Variants in ZNF407 observed in about 807,000 individuals in gnomAD.
ZNF407 encodes the protein zinc finger protein 407.
Under a neutral mutation model 131.2 loss-of-function variants are expected in ZNF407, and 17 were observed. The ratio of observed to expected loss-of-function variants is 0.13; its 90% CI spans 0.09 to 0.19. The LOEUF is 0.19. Ranked by LOEUF, ZNF407 falls within the 10% of genes least tolerant of loss-of-function variation. The pLI, the probability that ZNF407 is intolerant of heterozygous loss-of-function variation, is 1.00. For synonymous variants in ZNF407, 1,156 were observed against 1,062.0 expected (o/e 1.09, Z -1.72); for missense variants, 2,681 against 2,830.6 (o/e 0.95, Z 1.20).
At chr18:75,059,456 CT>C (rs1457405286) in intron 8 of ZNF407, among the ~76,000 whole-genome samples, 3 of 152,088 alleles carry the variant, frequency 2.0e-5, no homozygotes, top group Non-Finnish European at 4.4e-5. Flanking sequence ...AGGCTGCCTT[CT>C]TTGTTTTTGT....
intron 3 of ZNF407, among the ~76,000 whole-genome samples, chr18:74,654,269 C>G (rs540790006): frequency 6.6e-6 from 1 of 151,846 alleles, no homozygotes; most frequent in South Asian, 2.1e-4. Context: ...ATTAGTCTCC[C>G]TCTAATCTGA....
At chr18:74,600,144 A>G (rs1441766059) in intron 1 of ZNF407, among the ~76,000 whole-genome samples, 2 of 152,244 alleles carry the variant, frequency 1.3e-5, no homozygotes, top group Non-Finnish European at 2.9e-5. Flanking sequence ...AGTGCCATTC[A>G]TGATTCTTGG....
At chr18:75,042,825 T>G (rs1160774151) in intron 8 of ZNF407, among the ~76,000 whole-genome samples, 1 of 152,202 alleles carries the variant, frequency 6.6e-6, no homozygotes, top group African/African-American at 2.4e-5. Flanking sequence ...CCCATCTATT[T>G]CACTTGGCAC....
intron 1 of ZNF407, 82 bp from the exon 2 acceptor site, chr18:74,630,885 C>G: frequency 9.1e-7 from 1 of 1,103,386 alleles, no homozygotes; most frequent in East Asian, 2.6e-5. Flanking sequence ...GGGCTAACTT[C>G]ATGATACTTT....
Position 74,959,781 on chromosome 18 carries a change from T to C in ZNF407, c.5428+39089T>C, listed in dbSNP as rs541892644. ...ATACATGAAGTGAAACGTATAAAGG[T>C]TGAAATTTTTAGGATTTGAGCCTTC... is the stretch of plus-strand genomic sequence containing the variant. On this transcript the variant is annotated intron_variant, in intron 8 of 8. Coordinates refer to ENST00000299687, the MANE Select transcript of ZNF407 (RefSeq NM_017757.3). 2.0e-5 allele frequency among the ~76,000 whole-genome samples: 3 copies of C among 152,314 alleles called. No individual in the cohort carries two copies. The South Asian group carries it at 6.2e-4, about 32-fold the overall frequency.
At chr18:74,648,047 G>T (rs1328160099) in intron 3 of ZNF407, among the ~76,000 whole-genome samples, 2 of 152,136 alleles carry the variant, frequency 1.3e-5, no homozygotes, top group Non-Finnish European at 2.9e-5. Flanking sequence ...GGGAAGTGAG[G>T]ATTAAACAAA....
chr18:74,888,715 A>G (rs1296586996), intron 6 of ZNF407, among the ~76,000 whole-genome samples: 3 of 152,214 alleles, frequency 2.0e-5, no homozygotes, highest in African/African-American at 4.8e-5. Flanking sequence ...CTATCAGCCA[A>G]TGCAGCTAGT....
intron 4 of ZNF407, among the ~76,000 whole-genome samples, chr18:74,872,548 G>A (rs542901278): frequency 1.5e-4 from 23 of 152,022 alleles, no homozygotes; most frequent in Admixed American, 6.5e-4. Flanking sequence ...CAGATCACGA[G>A]GTCAGGAGAT....
chr18:75,043,251 A>G (rs1470666024), intron 8 of ZNF407, among the ~76,000 whole-genome samples: 1 of 152,056 alleles, frequency 6.6e-6, no homozygotes, highest in Non-Finnish European at 1.5e-5. Context: ...TTTAATTTGC[A>G]TTTTCCTAGT....
intron 3 of ZNF407, among the ~76,000 whole-genome samples, chr18:74,649,106 C>T (rs1985106432): frequency 6.6e-6 from 1 of 152,238 alleles, no homozygotes; most frequent in Non-Finnish European, 1.5e-5. Flanking sequence ...GAATATGCTA[C>T]TATCTAGATA....
Position 74,622,023 on chromosome 18 carries a change from G to A in ZNF407, c.-53-8944G>A, listed in dbSNP as rs577464524. 7.9e-5 allele frequency among the ~76,000 whole-genome samples: 12 copies of A among 152,234 alleles called. No homozygotes were observed. In the South Asian group the frequency reaches 8.3e-4, roughly 11 times the overall value. On this transcript the variant is annotated intron_variant, in intron 1 of 8. Coordinates refer to ENST00000299687, the MANE Select transcript of ZNF407 (RefSeq NM_017757.3). ...TTAGGGTGTTGTATACTCTCTTCTC[G>A]TGGATGAGTTTGTACAACTTGCAGT... is the stretch of plus-strand genomic sequence containing the variant.
intron 3 of ZNF407, among the ~76,000 whole-genome samples, chr18:74,753,978 G>A (rs1968868009): frequency 6.6e-6 from 1 of 152,152 alleles, no homozygotes; most frequent in Admixed American, 6.5e-5. Context: ...GTCTGGTCCT[G>A]ACTTTTTTTG....
At chr18:74,826,863 A>G (rs1046685325) in intron 4 of ZNF407, among the ~76,000 whole-genome samples, 2 of 152,180 alleles carry the variant, frequency 1.3e-5, no homozygotes, top group African/African-American at 4.8e-5. Context: ...AGACAAGATC[A>G]TTTTCAAACT....
At chr18:74,980,229 G>T (rs975282715) in intron 8 of ZNF407, among the ~76,000 whole-genome samples, 1 of 149,482 alleles carries the variant, frequency 6.7e-6, no homozygotes, top group Non-Finnish European at 1.5e-5. Context: ...AAGACGAGTT[G>T]ACATCTCTGT....
intron 8 of ZNF407, among the ~76,000 whole-genome samples, chr18:75,000,802 A>G (rs1373870172): frequency 3.9e-5 from 6 of 152,182 alleles, no homozygotes; most frequent in African/African-American, 1.4e-4. Context: ...GCATTGTGGA[A>G]TATAAACTAG....
At chr18:74,793,904 G>T (rs1969871544) in intron 4 of ZNF407, among the ~76,000 whole-genome samples, 1 of 152,130 alleles carries the variant, frequency 6.6e-6, no homozygotes, top group Non-Finnish European at 1.5e-5. Context: ...CTCTCAGGAG[G>T]GAGAGCTACC....
intron 8 of ZNF407, among the ~76,000 whole-genome samples, chr18:74,948,884 A>C (rs1972183333): frequency 6.6e-6 from 1 of 152,236 alleles, no homozygotes; most frequent in Non-Finnish European, 1.5e-5. Context: ...AGAAATAAAG[A>C]AGAAATACTA....
intron 8 of ZNF407, among the ~76,000 whole-genome samples, chr18:74,988,129 G>T (rs375614719): frequency 3.3e-5 from 5 of 152,150 alleles, no homozygotes; most frequent in African/African-American, 4.8e-5. Flanking sequence ...ACAAGCGTGT[G>T]GTCAGTTGAT....
At chr18:74,876,508 C>G (rs1271332176) in intron 4 of ZNF407, among the ~76,000 whole-genome samples, 6 of 151,930 alleles carry the variant, frequency 3.9e-5, no homozygotes. Flanking sequence ...ATTGAAAGGT[C>G]TTAAATGGTA....
Sources: gnomAD v4.1 joint callset for allele counts (sites outside exome capture counted in the v4.1 genomes callset) on GRCh38, gnomAD v4.1.1 for gene constraint, MANE v1.5 for transcripts, NCBI Gene and HGNC (gene_info 2026-07-23, HGNC 2026-07-21) for gene names.